The following PEBP4 variants were observed in gnomAD, a reference collection of about 807,000 sequenced individuals.
The protein encoded by PEBP4 is phosphatidylethanolamine-binding protein 4.
Under a neutral mutation model 23.9 loss-of-function variants are expected in PEBP4, and 22 were observed. The ratio of observed to expected loss-of-function variants is 0.92; its 90% confidence interval spans 0.66 to 1.31. PEBP4 has a LOEUF of 1.31. PEBP4 is among the 40% of genes most tolerant of loss of function. The pLI, the probability that PEBP4 is intolerant of heterozygous loss-of-function variation, is 0.00. For synonymous variants in PEBP4, 112 were observed against 99.3 expected, an observed-to-expected ratio of 1.13 and a Z score of -0.76; for missense variants, 324 against 281.7, an observed-to-expected ratio of 1.15 and a Z score of -1.07.
At chr8:22,763,145 C>T (rs902331790) in intron 4 of PEBP4, among the ~76,000 whole-genome samples, 6 of 152,132 alleles carry the variant, frequency 3.9e-5, no homozygotes, top group Non-Finnish European at 8.8e-5. Context: ...GCTGGGATTA[C>T]AGGTGCATGC....
chr8:22,794,296 AT>A (rs10709441), intron 4 of PEBP4, among the ~76,000 whole-genome samples: 88,363 of 148,900 alleles, frequency 0.59, 26,003 homozygotes, highest in South Asian at 0.71. Context: ...GGTACGCACA[AT>A]TTTTTTTTTT....
At position 22,739,614 on chromosome 8, in the gene PEBP4, T is replaced by G. The variant is rs1015467363; in HGVS notation, c.358-12394A>C. Among the ~76,000 whole-genome samples, 61 of 152,256 alleles carry G rather than the reference T, an allele frequency of 4.0e-4. 1 individual carries two copies. Among genetic ancestry groups the G allele is most frequent in the Admixed American group, 3.1e-3 (47 of 15,302 alleles). On this transcript the variant is annotated intron_variant, in intron 4 of 6. Coordinates refer to ENST00000256404, the MANE Select transcript of PEBP4 (RefSeq NM_144962.3). ...GGTGCCCCAGGGCTTATGAGTGAGC[T>G]GGAACCCCATGTCCTGGAATCCCGA...
intron 4 of PEBP4, among the ~76,000 whole-genome samples, chr8:22,739,900 G>T (rs1274296636): frequency 6.6e-6 from 1 of 152,204 alleles, no homozygotes; most frequent in African/African-American, 2.4e-5. Context: ...GCTGGGCTGG[G>T]GGGATGGAGG....
chr8:22,846,354 G>C (rs1283798302), intron 3 of PEBP4, among the ~76,000 whole-genome samples: 1 of 152,170 alleles, frequency 6.6e-6, no homozygotes, highest in African/African-American at 2.4e-5. Context: ...GGGAAATGTG[G>C]CTCTTAGAAG....
intron 3 of PEBP4, among the ~76,000 whole-genome samples, chr8:22,842,249 C>T (rs941309435): frequency 3.3e-5 from 5 of 152,128 alleles, no homozygotes; most frequent in East Asian, 1.9e-4. Flanking sequence ...GAGAAACTGG[C>T]GGATGGTCGA....
At chr8:22,939,767 A>G (rs1445115170) in intron 1 of PEBP4, among the ~76,000 whole-genome samples, 1 of 152,046 alleles carries the variant, frequency 6.6e-6, no homozygotes, top group Non-Finnish European at 1.5e-5. Flanking sequence ...AGATAAACCC[A>G]GCTCTGACCC....
intron 4 of PEBP4, among the ~76,000 whole-genome samples, chr8:22,739,593 C>T (rs1354389830): frequency 6.6e-6 from 1 of 152,082 alleles, no homozygotes; most frequent in Non-Finnish European, 1.5e-5. Flanking sequence ...GGGAGTGGTG[C>T]CCCAGGGCTT....
At chr8:22,792,147 C>T (rs551093936) in intron 4 of PEBP4, among the ~76,000 whole-genome samples, 1 of 152,224 alleles carries the variant, frequency 6.6e-6, no homozygotes, top group Non-Finnish European at 1.5e-5. Flanking sequence ...GGATAAGCCA[C>T]AGCACCCAAC....
Position 22,772,491 on chromosome 8 carries a change from C to CTTTTTTTTT in PEBP4, c.357+45145_357+45146insAAAAAAAAA, listed in dbSNP as rs1171525883. Reference sequence around the variant, plus strand: ...CAGGGCAGGTATTCTCTCTCTCTCTCTCTTTTTTTTTTTTTTTTTTTTGAG... The same window carrying CTTTTTTTTT: ...CAGGGCAGGTATTCTCTCTCTCTCTCTTTTTTTTTTCTTTTTTTTTTTTTTTTTTTTGAG... On this transcript the variant is annotated intron_variant, in intron 4 of 6. Coordinates refer to ENST00000256404, the MANE Select transcript of PEBP4 (RefSeq NM_144962.3). 2.1e-3 allele frequency among the ~76,000 whole-genome samples: 195 copies of CTTTTTTTTT among 93,412 alleles called. 3 individuals carry two copies. The South Asian group carries it at 0.044, about 21-fold the overall frequency. 61.3% of individuals were successfully genotyped at this position (93,412 alleles called of 152,430 possible).
At chr8:22,787,239 GA>G (rs1806047722) in intron 4 of PEBP4, among the ~76,000 whole-genome samples, 1 of 152,192 alleles carries the variant, frequency 6.6e-6, no homozygotes, top group African/African-American at 2.4e-5. Flanking sequence ...CAGGTGAGGA[GA>G]GGGGTCGTAT....
chr8:22,783,517 T>C (rs1257600794), intron 4 of PEBP4, among the ~76,000 whole-genome samples: 2 of 152,224 alleles, frequency 1.3e-5, no homozygotes, highest in Non-Finnish European at 2.9e-5. Flanking sequence ...GGCCAGGTGC[T>C]CAGTGAGAGG....
intron 4 of PEBP4, among the ~76,000 whole-genome samples, chr8:22,769,341 T>C (rs1259906689): frequency 6.6e-6 from 1 of 152,218 alleles, no homozygotes; most frequent in Non-Finnish European, 1.5e-5. Context: ...TCTCAGAGTC[T>C]CTGTTTTGAA....
chr8:22,725,702 C>T (rs184886098), intron 5 of PEBP4, among the ~76,000 whole-genome samples: 93 of 152,274 alleles, frequency 6.1e-4, no homozygotes, highest in African/African-American at 2.0e-3. Flanking sequence ...CTCCCCTTCC[C>T]GCTCTCCATC....
chr8:22,799,702 C>T (rs562490700), intron 4 of PEBP4, among the ~76,000 whole-genome samples: 2 of 152,276 alleles, frequency 1.3e-5, no homozygotes, highest in East Asian at 1.9e-4. Context: ...ATCCCTCCCC[C>T]GTCCCCCAAT....
intron 4 of PEBP4, among the ~76,000 whole-genome samples, chr8:22,804,378 C>T (rs1307626809): frequency 6.6e-6 from 1 of 152,104 alleles, no homozygotes; most frequent in East Asian, 1.9e-4. Flanking sequence ...TGTTGGAAGT[C>T]CTCCCACAGT....
chr8:22,788,370 C>T (rs1806070241), intron 4 of PEBP4, among the ~76,000 whole-genome samples: 3 of 152,152 alleles, frequency 2.0e-5, no homozygotes, highest in Admixed American at 2.0e-4. Flanking sequence ...GCAAGTGCAG[C>T]CTGCTCTTAG....
intron 2 of PEBP4, among the ~76,000 whole-genome samples, chr8:22,923,131 T>C (rs1027089994): frequency 6.6e-6 from 1 of 152,246 alleles, no homozygotes; most frequent in African/African-American, 2.4e-5. Flanking sequence ...TGGAGTGATC[T>C]GTTGTGTACA....
chr8:22,836,046 C>A (rs1337627114), intron 3 of PEBP4, among the ~76,000 whole-genome samples: 1 of 152,200 alleles, frequency 6.6e-6, no homozygotes, highest in African/African-American at 2.4e-5. Flanking sequence ...AAAATGGGGG[C>A]TCAGGGTCTC....
At chr8:22,806,326 G>C (rs555581850) in intron 4 of PEBP4, among the ~76,000 whole-genome samples, 6 of 152,152 alleles carry the variant, frequency 3.9e-5, no homozygotes, top group Non-Finnish European at 8.8e-5. Context: ...TAAAGATACT[G>C]AACAAGGTAG....
Sources: allele counts gnomAD v4.1 joint callset (sites outside exome capture counted in the v4.1 genomes callset), GRCh38; gene constraint gnomAD v4.1.1; transcripts MANE v1.5; gene names NCBI Gene and HGNC (gene_info 2026-07-23, HGNC 2026-07-21).